Variants in MCC observed in about 807,000 individuals in gnomAD.
The protein encoded by MCC is MCC regulator of Wnt signaling pathway.
In MCC, 90 loss-of-function variants were observed where a neutral mutation model predicts 116.2. That is an observed-to-expected ratio of 0.77 (90% CI 0.65 to 0.92). MCC has a LOEUF of 0.92. Among genes scored for constraint, MCC ranks in the 40% least tolerant of loss-of-function variants. The probability of loss-of-function intolerance (pLI) is 0.00; values close to 1 mark genes in which losing one functional copy is unlikely to be tolerated. For missense variants in MCC, 1,516 were observed against 1,312.2 expected (o/e 1.16, Z -2.40); for synonymous variants, 578 against 510.5 (o/e 1.13, Z -1.78).
intron 3 of MCC, among the ~76,000 whole-genome samples, chr5:113,281,673 G>A (rs140958986): frequency 1.0e-3 from 159 of 152,308 alleles, no homozygotes; most frequent in African/African-American, 3.6e-3. Context: ...CCAGTATTCT[G>A]ACTTGACACT....
intron 16 of MCC, chr5:113,044,352 G>A (rs1283648761): frequency 3.1e-6 from 1 of 323,626 alleles, no homozygotes; most frequent in East Asian, 1.7e-4. Flanking sequence ...AAACTTAAGA[G>A]CCAGTGCTCC....
intron 2 of MCC, among the ~76,000 whole-genome samples, chr5:113,384,260 T>C (rs1769193318): frequency 6.6e-6 from 1 of 152,146 alleles, no homozygotes; most frequent in Non-Finnish European, 1.5e-5. Context: ...AGAAAAACCA[T>C]CTTTATAGAA....
At chr5:113,304,551 T>A (rs1026623738) in intron 3 of MCC, among the ~76,000 whole-genome samples, 4 of 152,210 alleles carry the variant, frequency 2.6e-5, no homozygotes, top group African/African-American at 9.7e-5. Context: ...ATTCACTACT[T>A]TATGCAAGCA....
chr5:113,178,380 TG>T (rs1251295004), intron 3 of MCC, among the ~76,000 whole-genome samples: 5 of 151,824 alleles, frequency 3.3e-5, no homozygotes, highest in Non-Finnish European at 7.4e-5. Context: ...CAAAGGATTC[TG>T]GCCTGTTTCC....
Position 113,488,342 on chromosome 5 carries a change from T to TGCCGCCGCCGCCGCCGCC in MCC, c.72_73insGGCGGCGGCGGCGGCGGC (p.Ser24_Ser25insGlyGlyGlyGlyGlyGly). On this transcript the variant is annotated inframe_insertion, in exon 1 of 19. Transcript: ENST00000408903. The stretch of plus-strand genomic sequence containing the variant: ...CTGGACGTGTCGCTGCTGCTGCTGC[T>TGCCGCCGCCGCCGCCGCC]GCTGCCGCTGCCGCCGCCGCCGCCG... The TGCCGCCGCCGCCGCCGCC allele has an allele frequency of 4.6e-6, 7 of 1,531,204 alleles. No homozygotes were observed. In the South Asian group the frequency reaches 8.7e-5, roughly 19 times the overall value. 94.9% of individuals were successfully genotyped at this position (1,531,204 alleles called of 1,614,324 possible). A position where few individuals can be genotyped will look rare whatever the true frequency, so the allele number is the denominator to read the frequency against.
At chr5:113,307,694 A>G (rs1561517841) in intron 3 of MCC, among the ~76,000 whole-genome samples, 1 of 152,208 alleles carries the variant, frequency 6.6e-6, no homozygotes, top group Non-Finnish European at 1.5e-5. Flanking sequence ...AGAAATGGAA[A>G]GAGCAGACAA....
chr5:113,253,038 T>G (rs947037428), intron 3 of MCC, among the ~76,000 whole-genome samples: 2 of 152,162 alleles, frequency 1.3e-5, no homozygotes, highest in Non-Finnish European at 2.9e-5. Flanking sequence ...AAATGTAATT[T>G]TAAAATATGT....
At chr5:113,267,909 T>A (rs1314157493) in intron 3 of MCC, among the ~76,000 whole-genome samples, 1 of 152,168 alleles carries the variant, frequency 6.6e-6, no homozygotes, top group Non-Finnish European at 1.5e-5. Context: ...ATATGTCTTA[T>A]AAAAAAGGTA....
intron 3 of MCC, among the ~76,000 whole-genome samples, chr5:113,229,729 G>C (rs1763873582): frequency 6.6e-6 from 1 of 152,148 alleles, no homozygotes; most frequent in Non-Finnish European, 1.5e-5. Flanking sequence ...TCTATGTTTA[G>C]ATATGCTTAG....
intron 3 of MCC, chr5:113,294,496 G>A: frequency 2.5e-6 from 4 of 1,571,124 alleles, no homozygotes; most frequent in African/African-American, 2.7e-5. Flanking sequence ...TTTTAGTCTA[G>A]ACAGCCATTT....
chr5:113,047,768 G>GT (rs1182049889), intron 16 of MCC, among the ~76,000 whole-genome samples: 1 of 149,406 alleles, frequency 6.7e-6, no homozygotes, highest in African/African-American at 2.5e-5. Context: ...GTCCACAGTT[G>GT]TTTTTTTCCC....
chr5:113,199,414 A>AG (rs2150317873), intron 3 of MCC, among the ~76,000 whole-genome samples: 1 of 152,316 alleles, frequency 6.6e-6, no homozygotes, highest in South Asian at 2.1e-4. Context: ...AGTTTATATA[A>AG]GGGGTCCTGA....
intron 14 of MCC, 31 bp from the exon 15 acceptor site, chr5:113,053,990 C>T (rs1561758916): frequency 1.3e-6 from 2 of 1,502,204 alleles, no homozygotes; most frequent in African/African-American, 1.4e-5. Context: ...AGACCCACCA[C>T]CCTGTGTTAT....
At chr5:113,333,329 CATG>C (rs1177909809) in intron 3 of MCC, among the ~76,000 whole-genome samples, 1 of 151,608 alleles carries the variant, frequency 6.6e-6, no homozygotes, top group Non-Finnish European at 1.5e-5. Context: ...AGCAAATGAG[CATG>C]ATAATACACA....
rs190216741 is a variant in MCC, at chr5:113,206,944, G to A, written c.628-55522C>T. On this transcript the variant is annotated intron_variant, in intron 3 of 18. Transcript: ENST00000408903. Reference sequence around the variant, plus strand: ...TGGTGGTATTACAGAGCGATGAAATGATTCATCTAGCACCAGAACTAAAGT... The same window carrying A: ...TGGTGGTATTACAGAGCGATGAAATAATTCATCTAGCACCAGAACTAAAGT... Among the ~76,000 whole-genome samples the A allele has an allele frequency of 3.1e-3, 469 of 152,308 alleles. 5 individuals carry two copies. The highest frequency in any genetic ancestry group is 6.0e-3 in the Admixed American group (91 of 15,292).
chr5:113,178,650 T>C (rs915278246), intron 3 of MCC, among the ~76,000 whole-genome samples: 2 of 152,236 alleles, frequency 1.3e-5, no homozygotes, highest in African/African-American at 4.8e-5. Context: ...TCAGCACTCA[T>C]GTAAATATTA....
chr5:113,091,288 CT>C (rs1219104279), intron 8 of MCC, among the ~76,000 whole-genome samples: 10 of 152,216 alleles, frequency 6.6e-5, no homozygotes. Flanking sequence ...GCCTCAGAAA[CT>C]GCCTAATTTG....
chr5:113,181,611 T>C (rs1248822469), intron 3 of MCC, among the ~76,000 whole-genome samples: 1 of 152,214 alleles, frequency 6.6e-6, no homozygotes, highest in Admixed American at 6.5e-5. Flanking sequence ...TCTGCTTCTC[T>C]GGGTTTGTTT....
intron 17 of MCC, among the ~76,000 whole-genome samples, chr5:113,032,052 GGGTT>G (rs1330556873): frequency 6.6e-6 from 1 of 152,174 alleles, no homozygotes; most frequent in Non-Finnish European, 1.5e-5. Context: ...CCTAAAATTT[GGGTT>G]GGTTGATCTG....
Sources: allele counts gnomAD v4.1 joint callset (sites outside exome capture counted in the v4.1 genomes callset), GRCh38; gene constraint gnomAD v4.1.1; transcripts MANE v1.5; gene names NCBI Gene and HGNC (gene_info 2026-07-23, HGNC 2026-07-21).